The following IFT74 variants were observed in gnomAD, a reference collection of about 807,000 sequenced individuals.
IFT74 encodes intraflagellar transport protein 74 homolog.
IFT74 carries 92 observed loss-of-function variants against 96.7 expected under a neutral mutation model. That is an observed-to-expected ratio of 0.95 (90% confidence interval 0.80 to 1.13). The LOEUF is 1.13. Ranked by LOEUF, IFT74 falls within the 50% of genes most tolerant of loss-of-function variation. IFT74 has a pLI of 0.00. For synonymous variants in IFT74, 223 were observed against 213.2 expected (o/e 1.05, Z -0.40); for missense variants, 811 against 698.2 (o/e 1.16, Z -1.82).
intron 12 of IFT74, among the ~76,000 whole-genome samples, chr9:27,026,914 A>G (rs1033561089): frequency 1.3e-5 from 2 of 150,692 alleles, no homozygotes; most frequent in African/African-American, 4.9e-5. Context: ...ACCTCAAGGA[A>G]CTAGAGCAAC....
chr9:27,047,444 A>G (rs1430782549), intron 15 of IFT74, 73 bp downstream of exon 15: 3 of 820,416 alleles, frequency 3.7e-6, no homozygotes, highest in African/African-American at 3.6e-5. Flanking sequence ...CAACTCAAAA[A>G]ATAGAACGGC....
chr9:26,988,022 G>A (rs1280487807), intron 6 of IFT74, among the ~76,000 whole-genome samples: 4 of 151,722 alleles, frequency 2.6e-5, no homozygotes, highest in African/African-American at 4.8e-5. Context: ...GTGCCATCTC[G>A]GCTCACCGCA....
intron 16 of IFT74, among the ~76,000 whole-genome samples, chr9:27,053,459 C>A (rs1820021000): frequency 6.6e-6 from 1 of 152,138 alleles, no homozygotes; most frequent in African/African-American, 2.4e-5. Context: ...AAAGGAAACT[C>A]CAGAGAGTAA....
intron 9 of IFT74, among the ~76,000 whole-genome samples, chr9:27,011,184 G>A (rs1362333917): frequency 1.3e-5 from 2 of 152,018 alleles, no homozygotes; most frequent in East Asian, 1.9e-4. Flanking sequence ...CCCGGGAGGC[G>A]GAGGTTGCAG....
chr9:26,973,844 C>T (rs1826982268), intron 2 of IFT74, among the ~76,000 whole-genome samples: 3 of 152,278 alleles, frequency 2.0e-5, no homozygotes, highest in African/African-American at 7.2e-5. Flanking sequence ...TAGGTCCCAC[C>T]TCCAAATTTA....
intron 10 of IFT74, 95 bp downstream of exon 10, chr9:27,012,063 ATC>A: frequency 1.4e-6 from 1 of 699,704 alleles, no homozygotes; most frequent in South Asian, 2.5e-5. Flanking sequence ...CTACATATTG[ATC>A]TGGCAGCTTA....
At chr9:27,045,170 T>G (rs1287681815) in intron 14 of IFT74, among the ~76,000 whole-genome samples, 1 of 152,196 alleles carries the variant, frequency 6.6e-6, no homozygotes, top group Admixed American at 6.5e-5. Context: ...CTGCCTCCTG[T>G]TAGATCAGCA....
chr9:26,947,163 G>A (rs565996385), intron 1 of IFT74: 6 of 1,221,968 alleles, frequency 4.9e-6, no homozygotes, highest in Admixed American at 6.9e-5. Context: ...GGCGGCCGGA[G>A]ACCGGAAGAG....
chr9:26,988,644 T>C, intron 6 of IFT74, 25 bp from the exon 7 acceptor site: 1 of 1,530,824 alleles, frequency 6.5e-7, no homozygotes, highest in Non-Finnish European at 8.9e-7. Flanking sequence ...AAATGGTGTT[T>C]GTTTGTTTGT....
At chr9:27,048,781 C>T (rs1490892034) in intron 16 of IFT74, among the ~76,000 whole-genome samples, 1 of 152,200 alleles carries the variant, frequency 6.6e-6, no homozygotes, top group African/African-American at 2.4e-5. Context: ...GACTAGCAGA[C>T]AGAGGCCCTA....
At chr9:26,971,835 G>T (rs942832047) in intron 2 of IFT74, among the ~76,000 whole-genome samples, 1 of 152,096 alleles carries the variant, frequency 6.6e-6, no homozygotes, top group African/African-American at 2.4e-5. Flanking sequence ...CACTCCAAAG[G>T]TGTACTTAGA....
chr9:27,018,783 C>A, intron 12 of IFT74, 96 bp downstream of exon 12: 1 of 648,742 alleles, frequency 1.5e-6, no homozygotes, highest in Non-Finnish European at 2.5e-6. Context: ...TTCAATTTTA[C>A]TTATAGCTTT....
chr9:27,019,255 C>T (rs916300768), intron 12 of IFT74, among the ~76,000 whole-genome samples: 2 of 152,064 alleles, frequency 1.3e-5, no homozygotes, highest in African/African-American at 2.4e-5. Context: ...GTATGCCATG[C>T]CCCCAGTCAA....
At chr9:27,019,302 A>G (rs1375520365) in intron 12 of IFT74, among the ~76,000 whole-genome samples, 5 of 151,754 alleles carry the variant, frequency 3.3e-5, no homozygotes, top group Non-Finnish European at 7.4e-5. Context: ...AAAACCCTGC[A>G]CCCTTTAACC....
At chr9:26,955,975 C>T (rs1045998478), upstream of IFT74, 1 of 152,180 alleles carries the variant, frequency 6.6e-6, no homozygotes, top group Non-Finnish European at 1.5e-5. Context: ...GTGCCAGAAT[C>T]GCATCCATAC....
chr9:27,059,093 T>G (rs748480604), intron 18 of IFT74, among the ~76,000 whole-genome samples: 7 of 151,900 alleles, frequency 4.6e-5, no homozygotes, highest in Non-Finnish European at 1.0e-4. Context: ...TTAGAGCCAG[T>G]GAGTGGTTAA....
intron 8 of IFT74, among the ~76,000 whole-genome samples, chr9:27,003,678 C>T (rs1828624269): frequency 6.6e-6 from 1 of 152,164 alleles, no homozygotes. Flanking sequence ...TCCATTTATG[C>T]ACATTCCCCT....
intron 8 of IFT74, chr9:26,995,832 T>C: frequency 6.2e-7 from 1 of 1,603,618 alleles, no homozygotes; most frequent in Non-Finnish European, 8.5e-7. Context: ...GCCCAACTTT[T>C]TCCAAGAGGT....
In IFT74 at chr9:27,047,277, T is replaced by C. The variant is rs1819733688; in HGVS notation, c.1112T>C (p.Phe371Ser). The C allele has an allele frequency of 1.2e-6, 2 of 1,604,978 alleles. No homozygotes were observed. The highest frequency in any genetic ancestry group is 2.2e-5 in the South Asian group (2 of 90,712). ...TCTTATGTTTTCCAATTGTCAGCTT[T>C]TATTGAGACTTTTGAGGAAACAAAG... Reference protein sequence around the residue: ...LKKREEHMDTFIETFEETKNQ... With the variant: ...LKKREEHMDTSIETFEETKNQ... The change falls in exon 15 of 20, where the codon TTT (phenylalanine) becomes TCT (serine). Residue 371 changes from phenylalanine (F) to serine (S), a missense_variant. Transcript: ENST00000380062.
Sources: allele counts gnomAD v4.1 joint callset (sites outside exome capture counted in the v4.1 genomes callset), GRCh38; gene constraint gnomAD v4.1.1; transcripts MANE v1.5; gene names NCBI Gene and HGNC (gene_info 2026-07-23, HGNC 2026-07-21).